Variants in IPO11 observed in about 807,000 individuals in gnomAD.
IPO11 encodes importin 11, also known as importin-11.
IPO11 carries 66 observed loss-of-function variants against 143.2 expected under a neutral mutation model. The ratio of observed to expected loss-of-function variants is 0.46; its 90% CI spans 0.38 to 0.57. The LOEUF (loss-of-function observed/expected upper bound fraction) is 0.57, where lower values mean the gene tolerates loss of function less well. IPO11 is among the 20% of genes least tolerant of loss of function. The pLI, the probability that IPO11 is intolerant of heterozygous loss-of-function variation, is 0.00. For synonymous variants in IPO11, 385 were observed against 377.8 expected, an observed-to-expected ratio of 1.02 and a Z score of -0.22; for missense variants, 1,026 against 1,141.0, an observed-to-expected ratio of 0.90 and a Z score of 1.45.
chr5:62,461,642 GT>G (rs1267346920), intron 5 of IPO11, among the ~76,000 whole-genome samples: 3 of 152,056 alleles, frequency 2.0e-5, no homozygotes, highest in Non-Finnish European at 4.4e-5. Context: ...TGACTATTAG[GT>G]TTTTGTTTTT....
At chr5:62,551,904 T>TC (rs1743400203) in intron 26 of IPO11, among the ~76,000 whole-genome samples, 1 of 152,124 alleles carries the variant, frequency 6.6e-6, no homozygotes, top group African/African-American at 2.4e-5. Flanking sequence ...GGTGGGTGGA[T>TC]CACGAGGTCA....
chr5:62,432,807 G>A (rs997848908), intron 1 of IPO11, among the ~76,000 whole-genome samples: 1 of 152,196 alleles, frequency 6.6e-6, no homozygotes, highest in African/African-American at 2.4e-5. Context: ...TGATGTTTCA[G>A]AGGCGAGGCT....
chr5:62,507,102 T>C (rs1398365313), intron 19 of IPO11, among the ~76,000 whole-genome samples: 1 of 152,228 alleles, frequency 6.6e-6, no homozygotes, highest in African/African-American at 2.4e-5. Flanking sequence ...TACTGACATA[T>C]GTGCTACATG....
Position 62,451,714 on chromosome 5 carries a change from A to C in IPO11, c.313-16A>C, listed in dbSNP as rs777953266. 4 of 1,606,984 alleles carry C rather than the reference A, an allele frequency of 2.5e-6. No homozygotes were observed. The highest frequency in any genetic ancestry group is 3.4e-6 in the Non-Finnish European group (4 of 1,173,994). On this transcript the variant is annotated splice_polypyrimidine_tract_variant and intron_variant, in intron 4 of 29. Coordinates refer to ENST00000325324, the MANE Select transcript of IPO11 (RefSeq NM_016338.5). ...TCTATTGCCTTGATTCCATTTGTTT[A>C]ATTTTTTCCTTTCAGATTGCAACTC...
At chr5:62,528,590 T>G (rs1023426371) in intron 21 of IPO11, among the ~76,000 whole-genome samples, 2 of 152,138 alleles carry the variant, frequency 1.3e-5, no homozygotes, top group Non-Finnish European at 2.9e-5. Flanking sequence ...GGTTGAATTT[T>G]GGTAGCAGCT....
At position 62,451,846 on chromosome 5, in the gene IPO11, A is replaced by G; in HGVS notation, c.429A>G (p.Arg143=). 1 of 1,614,072 alleles carries G rather than the reference A, an allele frequency of 6.2e-7. No homozygotes were observed. Among genetic ancestry groups the G allele is most frequent in the Non-Finnish European group, 8.5e-7 (1 of 1,179,892 alleles). ...CTGTTAAAGTCCAGGATGATCTTCGACAGCACAGAGCATTACTTACCTTCT... is the reference window on the plus strand; with the variant it reads ...CTGTTAAAGTCCAGGATGATCTTCGGCAGCACAGAGCATTACTTACCTTCT... ...IESVKVQDDL[R]QHRALLTFYH... The change falls in exon 5 of 30, where the codon CGA becomes CGG. Residue 143 remains arginine, a synonymous_variant. Transcript: ENST00000325324.
At chr5:62,481,004 T>G (rs1746183397) in intron 9 of IPO11, among the ~76,000 whole-genome samples, 1 of 148,810 alleles carries the variant, frequency 6.7e-6, no homozygotes, top group African/African-American at 2.5e-5. Flanking sequence ...CAAGCTCTGC[T>G]TCCTGGGTTC....
At chr5:62,451,318 A>G (rs764809631) in intron 4 of IPO11, among the ~76,000 whole-genome samples, 1 of 152,226 alleles carries the variant, frequency 6.6e-6, no homozygotes, top group Non-Finnish European at 1.5e-5. Flanking sequence ...AATACTCATC[A>G]ACATAGCAGT....
rs375484675 is a variant in IPO11 at position 62,550,346 on chromosome 5, A to G, written c.2251-21A>G. On this transcript the variant is annotated intron_variant, in intron 24 of 29. Coordinates refer to ENST00000325324, the MANE Select transcript of IPO11 (RefSeq NM_016338.5). The stretch of plus-strand genomic sequence containing the variant: ...GCAATGACTTGCAGTATTATCACCA[A>G]TCTTTCTTTCTGGTTTTTAGGTTGT... 68 of 1,553,666 alleles carry G rather than the reference A, an allele frequency of 4.4e-5. No individual in the cohort carries two copies. The African/African-American group carries it at 7.9e-4, about 18-fold the overall frequency.
intron 1 of IPO11, among the ~76,000 whole-genome samples, chr5:62,416,776 G>A (rs570767569): frequency 1.2e-4 from 18 of 148,136 alleles, no homozygotes; most frequent in African/African-American, 4.2e-4. Context: ...TCAGGCTTGA[G>A]TGCAGTGGTG....
intron 27 of IPO11, among the ~76,000 whole-genome samples, chr5:62,586,842 C>T (rs1744813876): frequency 1.5e-5 from 2 of 135,384 alleles, no homozygotes; most frequent in Non-Finnish European, 3.1e-5. Context: ...TTATTTTCAT[C>T]AGTTTCCGAT....
chr5:62,515,211 C>T (rs1346105630), intron 19 of IPO11, among the ~76,000 whole-genome samples, 177 bp from the exon 20 acceptor site: 1 of 151,974 alleles, frequency 6.6e-6, no homozygotes, highest in Non-Finnish European at 1.5e-5. Flanking sequence ...CTATAGAGCC[C>T]TGGGCTTTTA....
At chr5:62,415,817 A>G (rs371692554) in intron 1 of IPO11, among the ~76,000 whole-genome samples, 1 of 152,102 alleles carries the variant, frequency 6.6e-6, no homozygotes, top group African/African-American at 2.4e-5. Flanking sequence ...CATAGAGGAA[A>G]TGAAATACAT....
At chr5:62,503,237 G>A (rs1561338095) in intron 16 of IPO11, among the ~76,000 whole-genome samples, 1 of 151,724 alleles carries the variant, frequency 6.6e-6, no homozygotes, top group Non-Finnish European at 1.5e-5. Context: ...AGATGTTTAT[G>A]TGTAGTCCAT....
intron 6 of IPO11, among the ~76,000 whole-genome samples, chr5:62,468,358 A>T (rs1580213763): frequency 1.3e-5 from 2 of 152,222 alleles, no homozygotes; most frequent in African/African-American, 4.8e-5. Flanking sequence ...CATCGCCTTA[A>T]TACATCACTT....
At chr5:62,475,786 A>G (rs1745937595) in intron 8 of IPO11, among the ~76,000 whole-genome samples, 1 of 152,022 alleles carries the variant, frequency 6.6e-6, no homozygotes, top group Non-Finnish European at 1.5e-5. Context: ...GTTATTCACT[A>G]CCCCATGTGA....
chr5:62,435,064 A>ATATATATG (rs1368584970), intron 1 of IPO11, among the ~76,000 whole-genome samples: 5 of 111,320 alleles, frequency 4.5e-5, no homozygotes, highest in Admixed American at 1.8e-4. Context: ...ATATATATGT[A>ATATATATG]TATATATGTA....
chr5:62,508,628 CTCTT>C lies in IPO11; in HGVS notation c.1782+2282_1782+2285del, dbSNP rs373649225. ...CCTCCCTCCCTCCCTCCGTCTCTCT[CTCTT>C]TCTTTCTTTCACAAAGTGCAGGTTT... On this transcript the variant is annotated intron_variant, in intron 19 of 29. Coordinates refer to ENST00000325324, the MANE Select transcript of IPO11 (RefSeq NM_016338.5). 6.7e-3 allele frequency among the ~76,000 whole-genome samples: 946 copies of C among 140,888 alleles called. 16 individuals carry two copies. The highest frequency in any genetic ancestry group is 0.023 in the African/African-American group (901 of 39,400). 92.4% of individuals were successfully genotyped at this position (140,888 alleles called of 152,430 possible).
At position 62,561,120 on chromosome 5, in the gene IPO11, C is replaced by T; in HGVS notation, c.2461-16C>T. ...ATATTTTAGGTATTTTGAGATGCCT[C>T]CTCCTCTTGTTTCAGATGGACCAGC... On this transcript the variant is annotated splice_polypyrimidine_tract_variant and intron_variant, in intron 26 of 29. Coordinates refer to ENST00000325324, the MANE Select transcript of IPO11 (RefSeq NM_016338.5). The T allele has an allele frequency of 6.3e-7, 1 of 1,596,164 alleles. No homozygotes were observed. The highest frequency in any genetic ancestry group is 8.5e-7 in the Non-Finnish European group (1 of 1,172,262).
Sources: allele counts gnomAD v4.1 joint callset (sites outside exome capture counted in the v4.1 genomes callset), GRCh38; gene constraint gnomAD v4.1.1; transcripts MANE v1.5; gene names NCBI Gene and HGNC (gene_info 2026-07-23, HGNC 2026-07-21).